Variants in CDH12 observed in about 807,000 individuals in gnomAD.
CDH12 encodes the protein cadherin 12.
CDH12 carries 41 observed loss-of-function variants against 74.1 expected under a neutral mutation model. The observed-to-expected ratio is 0.55, with a 90% confidence interval of 0.43 to 0.72. CDH12 has a LOEUF of 0.72. Ranked by LOEUF, CDH12 falls within the 30% of genes least tolerant of loss-of-function variation. CDH12 has a pLI of 0.00. For missense variants in CDH12, 945 were observed against 977.2 expected (o/e 0.97, Z 0.44); for synonymous variants, 399 against 355.0 (o/e 1.12, Z -1.39).
intron 5 of CDH12, among the ~76,000 whole-genome samples, chr5:22,024,665 A>G (rs1738229216): frequency 6.6e-6 from 1 of 152,058 alleles, no homozygotes; most frequent in Non-Finnish European, 1.5e-5. Context: ...GGCACATGCT[A>G]CCATGCCTGG....
chr5:21,960,498 G>T (rs922080501), intron 6 of CDH12, among the ~76,000 whole-genome samples: 4 of 152,088 alleles, frequency 2.6e-5, no homozygotes, highest in African/African-American at 9.7e-5. Flanking sequence ...GTGGGACAGG[G>T]AGTCATATGC....
intron 5 of CDH12, among the ~76,000 whole-genome samples, chr5:22,042,537 A>G (rs750681125): frequency 2.6e-4 from 39 of 152,250 alleles, no homozygotes; most frequent in Non-Finnish European, 2.2e-4. Context: ...AAACTGGAAA[A>G]CCTAGAACAA....
chr5:22,506,249 A>G lies in CDH12; in HGVS notation c.-522-885T>C, dbSNP rs148412930. On this transcript the variant is annotated intron_variant, in intron 1 of 14. Transcript: ENST00000382254. ...TCCATTTGCTGGAGGGGAAAATGAC[A>G]CAAATTATTTGAAATTTTCTGAGAG... Among the ~76,000 whole-genome samples the G allele has an allele frequency of 8.6e-4, 131 of 152,206 alleles. 1 individual carries two copies. Among genetic ancestry groups the G allele is most frequent in the African/African-American group, 3.0e-3 (126 of 41,558 alleles).
At chr5:22,319,789 G>T (rs1308118707) in intron 3 of CDH12, among the ~76,000 whole-genome samples, 1 of 151,894 alleles carries the variant, frequency 6.6e-6, no homozygotes, top group Non-Finnish European at 1.5e-5. Context: ...TTCCTTTAGA[G>T]TGAGTGATGG....
chr5:22,433,344 A>G (rs2126524977), intron 2 of CDH12, among the ~76,000 whole-genome samples: 1 of 152,288 alleles, frequency 6.6e-6, no homozygotes, highest in Non-Finnish European at 1.5e-5. Context: ...ACAGTTTCAA[A>G]TGGGTACTGA....
chr5:22,467,732 C>A (rs1006271060), intron 2 of CDH12, among the ~76,000 whole-genome samples: 1 of 152,150 alleles, frequency 6.6e-6, no homozygotes, highest in Non-Finnish European at 1.5e-5. Context: ...TAAAGAACAT[C>A]TAATGACTAA....
rs1749990488 is a variant in CDH12 at position 21,843,566 on chromosome 5, G to A, written c.647-1238C>T. Among the ~76,000 whole-genome samples the A allele has an allele frequency of 4.0e-5, 6 of 151,670 alleles. No individual in the cohort carries two copies. In the South Asian group the frequency reaches 1.2e-3, roughly 32 times the overall value. On this transcript the variant is annotated intron_variant, in intron 7 of 14. Transcript: ENST00000382254. The stretch of plus-strand genomic sequence containing the variant: ...TTTCTCTCTTGTTGCCCAGGCTGGA[G>A]TGCAATGGTGCAATCTGGGCTCACT...
intron 1 of CDH12, among the ~76,000 whole-genome samples, chr5:22,746,315 C>T (rs772459268): frequency 6.6e-6 from 1 of 152,042 alleles, no homozygotes; most frequent in Non-Finnish European, 1.5e-5. Flanking sequence ...ACAACAATAA[C>T]AACAATTTTA....
chr5:22,057,322 A>G (rs908503194), intron 5 of CDH12, among the ~76,000 whole-genome samples: 14 of 152,310 alleles, frequency 9.2e-5, no homozygotes, highest in African/African-American at 3.4e-4. Flanking sequence ...TCCTGAAAAC[A>G]TTTATATTTT....
intron 3 of CDH12, among the ~76,000 whole-genome samples, chr5:22,390,784 G>A (rs1385037107): frequency 2.0e-5 from 3 of 152,260 alleles, no homozygotes; most frequent in Admixed American, 6.5e-5. Flanking sequence ...AACATCACAT[G>A]AGACTCTATA....
chr5:22,244,741 AAAGAAAG>A (rs1327503980), intron 3 of CDH12, among the ~76,000 whole-genome samples: 1 of 3,672 alleles, frequency 2.7e-4, no homozygotes, highest in Non-Finnish European at 8.3e-4. Context: ...GAAAGAAAGA[AAAGAAAG>A]AAAGAAAGAA....
At chr5:22,213,296 G>A (rs1473062057) in intron 3 of CDH12, among the ~76,000 whole-genome samples, 2 of 151,814 alleles carry the variant, frequency 1.3e-5, no homozygotes, top group Non-Finnish European at 2.9e-5. Context: ...ACAGACACAA[G>A]CACTCAAACC....
At chr5:21,753,538 G>A (rs1335186094) in intron 14 of CDH12, among the ~76,000 whole-genome samples, 1 of 152,166 alleles carries the variant, frequency 6.6e-6, no homozygotes, top group Non-Finnish European at 1.5e-5. Flanking sequence ...AGGGACCCAA[G>A]CACCATACCT....
chr5:22,679,542 C>T (rs902969928), intron 1 of CDH12, among the ~76,000 whole-genome samples: 17 of 152,200 alleles, frequency 1.1e-4, no homozygotes, highest in African/African-American at 3.6e-4. Context: ...TTTCTAAACA[C>T]TAATTGAATA....
chr5:22,698,411 G>T (rs1193388212), intron 1 of CDH12, among the ~76,000 whole-genome samples: 2 of 151,362 alleles, frequency 1.3e-5, no homozygotes, highest in South Asian at 4.2e-4. Flanking sequence ...GTGAGCCACC[G>T]TGTCTGGCCA....
intron 1 of CDH12, among the ~76,000 whole-genome samples, chr5:22,851,691 G>A (rs754011841): frequency 5.3e-5 from 8 of 152,030 alleles, no homozygotes; most frequent in African/African-American, 7.2e-5. Context: ...AAAACAATTC[G>A]TCAATCACCT....
chr5:22,058,420 A>G (rs1219068138), intron 5 of CDH12, among the ~76,000 whole-genome samples: 5 of 152,130 alleles, frequency 3.3e-5, no homozygotes. Flanking sequence ...GTACTATTTG[A>G]CATGTATTTA....
intron 5 of CDH12, among the ~76,000 whole-genome samples, chr5:21,981,919 C>T (rs768641219): frequency 1.3e-5 from 2 of 152,154 alleles, no homozygotes; most frequent in African/African-American, 2.4e-5. Context: ...AGCAATCTAC[C>T]TGCCTATGCC....
At chr5:22,190,549 A>G (rs1750217842) in intron 4 of CDH12, among the ~76,000 whole-genome samples, 1 of 152,150 alleles carries the variant, frequency 6.6e-6, no homozygotes, top group Non-Finnish European at 1.5e-5. Flanking sequence ...AACAAACTGA[A>G]GTTGACCCCT....
Sources: gnomAD v4.1 joint callset for allele counts (sites outside exome capture counted in the v4.1 genomes callset) on GRCh38, gnomAD v4.1.1 for gene constraint, MANE v1.5 for transcripts, NCBI Gene and HGNC (gene_info 2026-07-23, HGNC 2026-07-21) for gene names.